ZNF783: variants seen among roughly 807,000 people sequenced by gnomAD.
ZNF783 encodes the protein zinc finger protein 783.
A neutral mutation model predicts 31.3 loss-of-function variants in ZNF783; 25 were observed. The observed-to-expected ratio is 0.80, with a 90% CI of 0.58 to 1.11. ZNF783 has a LOEUF of 1.11. ZNF783 is among the 50% of genes most tolerant of loss of function. The pLI is 0.00. For missense variants in ZNF783, 797 were observed against 760.0 expected (o/e 1.05, Z -0.57); for synonymous variants, 369 against 319.1 (o/e 1.16, Z -1.66).
chr7:149,277,979 G>A (rs1005578106), intron 4 of ZNF783: 4 of 222,234 alleles, frequency 1.8e-5, no homozygotes, highest in South Asian at 8.0e-5. Context: ...CGCTCCTAAC[G>A]CCATATCTTC....
intron 5 of ZNF783, among the ~76,000 whole-genome samples, chr7:149,279,859 T>C (rs1797420832): frequency 1.3e-5 from 2 of 151,952 alleles, no homozygotes. Flanking sequence ...AAGTCTCCCA[T>C]GTCTACTTCT....
intron 4 of ZNF783, among the ~76,000 whole-genome samples, chr7:149,270,692 G>A (rs1429361906): frequency 1.3e-5 from 2 of 152,182 alleles, no homozygotes; most frequent in Non-Finnish European, 2.9e-5. Flanking sequence ...TTATTCTGAT[G>A]TGACCTCAGT....
intron 1 of ZNF783, among the ~76,000 whole-genome samples, chr7:149,263,312 A>G (rs866443715): frequency 1.3e-3 from 163 of 122,590 alleles, no homozygotes; most frequent in Admixed American, 4.2e-3. Context: ...GTGTATATAT[A>G]TATATATATA....
chr7:149,282,472 C>T lies in ZNF783; in HGVS notation c.*129C>T, dbSNP rs1585623625. ...TTCAAATGGGAAGCTAGCTGCCCTT[C>T]TGGTGACATTGTGTGTGACCGGGTG... On this transcript the variant is annotated 3_prime_UTR_variant, in exon 6 of 6. Transcript: ENST00000434415. The T allele has an allele frequency of 8.6e-6, 7 of 816,326 alleles. No homozygotes were observed. The highest frequency in any genetic ancestry group is 8.4e-5 in the East Asian group (3 of 35,658). 50.6% of individuals were successfully genotyped at this position (816,326 alleles called of 1,614,324 possible).
rs367820256 is a variant in ZNF783, at chr7:149,282,965, T to TTTTTGTTGTGTTGTTG, written c.*624_*625insTTGTTGTGTTGTTGTT. On this transcript the variant is annotated 3_prime_UTR_variant, in exon 6 of 6. Coordinates refer to ENST00000434415, the MANE Select transcript of ZNF783 (RefSeq NM_001195220.2). ...AGCCTGTGGGTCTTTTGGTTTTTTT[T>TTTTTGTTGTGTTGTTG]TTGTTGTTGTTGTTGTTTTTTTAAG... 1 of 131,056 alleles carries TTTTTGTTGTGTTGTTG rather than the reference T, an allele frequency of 7.6e-6. No homozygotes were observed. The highest frequency in any genetic ancestry group is 2.8e-5 in the African/African-American group (1 of 35,184). 8.1% of individuals were successfully genotyped at this position (131,056 alleles called of 1,614,324 possible).
intron 5 of ZNF783, among the ~76,000 whole-genome samples, chr7:149,279,632 G>GTTTTTTTTTTTTTTTTTTTTTCTTT (rs1797413057): frequency 1.0e-5 from 1 of 100,342 alleles, no homozygotes. Flanking sequence ...TTTTATCTTT[G>GTTTTTTTTTTTTTTTTTTTTTCTTT]TTTTTTTTTT....
intron 5 of ZNF783, among the ~76,000 whole-genome samples, chr7:149,279,023 A>G (rs1797396368): frequency 6.6e-6 from 1 of 152,142 alleles, no homozygotes; most frequent in Admixed American, 6.5e-5. Context: ...TCCTTTCACA[A>G]AAGTGTATAT....
rs913501412 is a variant in ZNF783, at chr7:149,262,208, G to C, written c.-126G>C. The C allele has an allele frequency of 1.4e-5, 12 of 883,802 alleles. No homozygotes were observed. Among genetic ancestry groups the C allele is most frequent in the Non-Finnish European group, 1.8e-5 (12 of 665,852 alleles). 54.7% of individuals were successfully genotyped at this position (883,802 alleles called of 1,614,324 possible). A position where few individuals can be genotyped will look rare whatever the true frequency, so the allele number is the denominator to read the frequency against. ...GGGCACGTGGCTCGGGACGCAGTTC[G>C]CTGCCGCCCGGCAGTAGCTCTCAGG... On this transcript the variant is annotated 5_prime_UTR_variant, in exon 1 of 6. Transcript: ENST00000434415.
chr7:149,273,775 C>A (rs1797262769), intron 4 of ZNF783, among the ~76,000 whole-genome samples: 1 of 152,172 alleles, frequency 6.6e-6, no homozygotes, highest in South Asian at 2.1e-4. Flanking sequence ...AACTCCTGGA[C>A]TCGAGCAATC....
At chr7:149,269,914 T>C (rs1797171488) in intron 4 of ZNF783, among the ~76,000 whole-genome samples, 1 of 149,640 alleles carries the variant, frequency 6.7e-6, no homozygotes, top group Non-Finnish European at 1.5e-5. Context: ...AGTGAGGGCA[T>C]GCGGTGTTTG....
intron 1 of ZNF783, among the ~76,000 whole-genome samples, chr7:149,263,986 C>T (rs1376157526): frequency 1.3e-5 from 2 of 152,160 alleles, no homozygotes; most frequent in African/African-American, 4.8e-5. Flanking sequence ...TCCCCCTAGC[C>T]TGGGGCTCAC....
chr7:149,265,567 T>C lies in ZNF783; in HGVS notation c.25-768T>C, dbSNP rs1420334881. On this transcript the variant is annotated intron_variant, in intron 1 of 5. Coordinates refer to ENST00000434415, the MANE Select transcript of ZNF783 (RefSeq NM_001195220.2). ...TCCTCTTACAAGGGCGCTAATCCTA[T>C]TTATGAGGGCTCTGCCTTCATGGCC... Among the ~76,000 whole-genome samples, 17 of 152,156 alleles carry C rather than the reference T, an allele frequency of 1.1e-4. 1 individual carries two copies. The highest frequency in any genetic ancestry group is 1.1e-3 in the Admixed American group (17 of 15,276).
At chr7:149,268,156 C>G (rs144858588) in intron 4 of ZNF783, among the ~76,000 whole-genome samples, 5 of 152,306 alleles carry the variant, frequency 3.3e-5, no homozygotes, top group Non-Finnish European at 7.3e-5. Flanking sequence ...TGGGTTTTGC[C>G]ACATGCGCTT....
chr7:149,275,171 A>C (rs1797298444), intron 4 of ZNF783, among the ~76,000 whole-genome samples: 2 of 151,688 alleles, frequency 1.3e-5, no homozygotes, highest in Admixed American at 1.3e-4. Context: ...TGTAAATGGG[A>C]TTATTTTCTT....
rs781204727 is a variant in ZNF783 at position 149,266,489 on chromosome 7, G to A, written c.179G>A (p.Cys60Tyr). 1.3e-5 allele frequency: 21 copies of A among 1,613,136 alleles called. No homozygotes were observed. The highest frequency in any genetic ancestry group is 1.7e-5 in the Admixed American group (1 of 60,000). ...IQALEKKVDSCLTRLLTLEGR... is the reference protein window; with the variant it reads ...IQALEKKVDSYLTRLLTLEGR... ...GCCTTGGAGAAGAAGGTGGATTCCT[G>A]CCTGACCCGCTTGCTGACTCTGGAG... Residue 60 changes from cysteine (C) to tyrosine (Y), a missense_variant, in exon 2 of 6, where the codon TGC becomes TAC. Transcript: ENST00000434415.
At chr7:149,277,566 C>T (rs945927553) in intron 4 of ZNF783, among the ~76,000 whole-genome samples, 4 of 151,886 alleles carry the variant, frequency 2.6e-5, no homozygotes, top group Non-Finnish European at 5.9e-5. Flanking sequence ...GGTGGAACCC[C>T]GTCTCTACTT....
chr7:149,267,207 A>G lies in ZNF783; in HGVS notation c.658A>G (p.Arg220Gly). Residue 220 changes from arginine (R) to glycine (G), a missense_variant, in exon 4 of 6, where the codon AGG becomes GGG. Coordinates refer to ENST00000434415, the MANE Select transcript of ZNF783 (RefSeq NM_001195220.2). ...GAATGAAGTAGAGGTGGGACGTCCAAGGATGATGGGCACTGGTAAGTATAG... is the reference window on the plus strand; with the variant it reads ...GAATGAAGTAGAGGTGGGACGTCCAGGGATGATGGGCACTGGTAAGTATAG... ...KGNEVEVGRPRMMGTGLPPYP... is the reference protein window; with the variant it reads ...KGNEVEVGRPGMMGTGLPPYP... The G allele has an allele frequency of 1.9e-6, 3 of 1,596,452 alleles. No individual in the cohort carries two copies. The highest frequency in any genetic ancestry group is 1.1e-5 in the South Asian group (1 of 90,608).
chr7:149,272,562 T>G (rs1356086800), intron 4 of ZNF783, among the ~76,000 whole-genome samples: 1 of 149,218 alleles, frequency 6.7e-6, no homozygotes, highest in Non-Finnish European at 1.5e-5. Flanking sequence ...TGTGGATGAG[T>G]TTTTTTTTTC....
rs55952748 is a variant in ZNF783, at chr7:149,282,868, C to G, written c.*525C>G. 0.1 allele frequency: 15,435 copies of G among 152,712 alleles called. 1,010 individuals are homozygous for G. Among genetic ancestry groups the G allele is most frequent in the Non-Finnish European group, 0.15 (10,202 of 68,428 alleles). The allele number at this position is 152,712 out of a possible 1,614,324, so 9.5% of individuals were successfully genotyped here. ...TGTGTAGTTGTTAATGGAACTTTGC[C>G]TTTTGCAAAGTCGGAAAGAGTCGGC... On this transcript the variant is annotated 3_prime_UTR_variant, in exon 6 of 6. Transcript: ENST00000434415.
Sources: gnomAD v4.1 joint callset for allele counts (sites outside exome capture counted in the v4.1 genomes callset) on GRCh38, gnomAD v4.1.1 for gene constraint, MANE v1.5 for transcripts, NCBI Gene and HGNC (gene_info 2026-07-23, HGNC 2026-07-21) for gene names.